Variants in PLAC1 observed in about 807,000 individuals in gnomAD.
PLAC1 encodes placenta-specific protein 1.
For synonymous variants in PLAC1, 68 were observed against 62.1 expected (o/e 1.09, Z -0.44); for missense variants, 136 against 163.2 (o/e 0.83, Z 0.91).
chrX:134,615,340 A>G (rs1351010121), intron 1 of PLAC1, among the ~76,000 whole-genome samples: 1 of 111,967 alleles, frequency 8.9e-6, no homozygotes, highest in Non-Finnish European at 1.9e-5. Flanking sequence ...GATATTGTGC[A>G]CCTTTTCATA....
intron 2 of PLAC1, among the ~76,000 whole-genome samples, chrX:134,677,843 TTGGGAGGCTATCATAG>T (rs777536802): frequency 9.0e-6 from 1 of 111,519 alleles, no homozygotes; most frequent in African/African-American, 3.3e-5. Context: ...GGGAGACCAG[TTGGGAGGCTATCATAG>T]TGGACCAGGC....
intron 2 of PLAC1, among the ~76,000 whole-genome samples, chrX:134,673,288 G>T (rs1178124703): frequency 1.0e-5 from 1 of 97,114 alleles, no homozygotes; most frequent in Admixed American, 1.1e-4. Flanking sequence ...AGGAAGGGAA[G>T]AAGGAAGGAA....
intron 2 of PLAC1, among the ~76,000 whole-genome samples, chrX:134,687,502 C>T (rs749115420): frequency 9.1e-6 from 1 of 109,828 alleles, no homozygotes; most frequent in African/African-American, 3.3e-5. Context: ...AGATTGGACA[C>T]CCCTGCTTTA....
chrX:134,595,656 GTCTA>G (rs1466734018), intron 2 of PLAC1, among the ~76,000 whole-genome samples: 1 of 107,367 alleles, frequency 9.3e-6, no homozygotes, highest in East Asian at 2.9e-4. Flanking sequence ...TTTCTCTGAA[GTCTA>G]TCTGATATTA....
intron 1 of PLAC1, among the ~76,000 whole-genome samples, chrX:134,619,039 T>C (rs936146163): frequency 4.5e-5 from 5 of 112,340 alleles, no homozygotes; most frequent in Non-Finnish European, 7.5e-5. Flanking sequence ...TGGGTACCTA[T>C]CCTTCAGAGG....
At chrX:134,589,340 A>G (rs1186211512) in intron 2 of PLAC1, among the ~76,000 whole-genome samples, 1 of 111,338 alleles carries the variant, frequency 9.0e-6, no homozygotes, top group Non-Finnish European at 1.9e-5. Flanking sequence ...TTCAAGGGAT[A>G]TTTTGTGGGT....
At chrX:134,652,070 AAGTTTAT>A (rs1176028469) in intron 1 of PLAC1, among the ~76,000 whole-genome samples, 7 of 111,085 alleles carry the variant, frequency 6.3e-5, no homozygotes, top group Admixed American at 3.8e-4. Context: ...GGCCTATCTA[AAGTTTAT>A]AGTATTGCAG....
intron 1 of PLAC1, among the ~76,000 whole-genome samples, chrX:134,621,444 C>CAAAAAA (rs11317429): frequency 1.8e-3 from 62 of 33,860 alleles, no homozygotes; most frequent in Admixed American, 3.6e-3. Context: ...GGCTCTGTCT[C>CAAAAAA]AAAAAAAAAA....
At chrX:134,566,907 T>C (rs747886049) in intron 2 of PLAC1, among the ~76,000 whole-genome samples, 167 bp from the exon 3 acceptor site, 1 of 112,776 alleles carries the variant, frequency 8.9e-6, no homozygotes, top group South Asian at 3.7e-4. Flanking sequence ...CACGTGTTTA[T>C]GGACGATTAC....
intron 1 of PLAC1, among the ~76,000 whole-genome samples, chrX:134,745,634 T>C (rs189971900): frequency 8.9e-6 from 1 of 111,895 alleles, no homozygotes; most frequent in African/African-American, 3.2e-5. Flanking sequence ...TCTTTGGAAC[T>C]ATAGTCATAT....
chrX:134,715,620 A>G (rs1034576522), intron 2 of PLAC1, among the ~76,000 whole-genome samples: 3 of 112,028 alleles, frequency 2.7e-5, no homozygotes, highest in South Asian at 7.4e-4. Context: ...TTGGATCTGT[A>G]GCTCTTTCAT....
intron 2 of PLAC1, among the ~76,000 whole-genome samples, chrX:134,577,320 A>G (rs1046266497): frequency 8.9e-6 from 1 of 112,053 alleles, no homozygotes; most frequent in African/African-American, 3.2e-5. Flanking sequence ...CCCTGTAGGC[A>G]TTCAGTTAGA....
At chrX:134,758,639 C>A (rs1602954709) in intron 1 of PLAC1, among the ~76,000 whole-genome samples, 1 of 111,756 alleles carries the variant, frequency 8.9e-6, no homozygotes, top group African/African-American at 3.3e-5. Flanking sequence ...ATACAAAAAT[C>A]GACTCAAAAT....
intron 1 of PLAC1, among the ~76,000 whole-genome samples, chrX:134,628,548 T>C (rs2078246522): frequency 8.9e-6 from 1 of 111,970 alleles, no homozygotes; most frequent in Admixed American, 9.5e-5. Context: ...GCCTGTTTGG[T>C]GTTTCTCTTT....
At chrX:134,762,821 C>CAAAAAAAAAA (rs60721487) in intron 1 of PLAC1, among the ~76,000 whole-genome samples, 188 of 14,604 alleles carry the variant, frequency 0.013, no homozygotes, top group Non-Finnish European at 0.019. Context: ...GGCTCTATCT[C>CAAAAAAAAAA]AAAAAAAAAA....
At chrX:134,574,194 C>G (rs912643827) in intron 2 of PLAC1, among the ~76,000 whole-genome samples, 2 of 111,269 alleles carry the variant, frequency 1.8e-5, no homozygotes, top group Non-Finnish European at 3.8e-5. Context: ...TTGCCCTGAT[C>G]CCTACTATTT....
chrX:134,622,054 G>A (rs2078213428), intron 1 of PLAC1, among the ~76,000 whole-genome samples: 1 of 111,849 alleles, frequency 8.9e-6, no homozygotes, highest in East Asian at 2.8e-4. Flanking sequence ...TCACCCCTGG[G>A]CTCTGAGCAG....
chrX:134,712,134 A>G (rs2078629767), intron 2 of PLAC1, among the ~76,000 whole-genome samples: 1 of 111,116 alleles, frequency 9.0e-6, no homozygotes, highest in Admixed American at 9.6e-5. Flanking sequence ...GTACCCTTCA[A>G]ATCAGAACAC....
At chrX:134,682,805 C>T (rs537289031) in intron 2 of PLAC1, among the ~76,000 whole-genome samples, 1 of 111,293 alleles carries the variant, frequency 9.0e-6, no homozygotes, top group Non-Finnish European at 1.9e-5. Context: ...ATCTGCCCCC[C>T]TCGGCCTCCC....
Sources: allele counts gnomAD v4.1 joint callset (sites outside exome capture counted in the v4.1 genomes callset), GRCh38; gene constraint gnomAD v4.1.1; transcripts MANE v1.5; gene names NCBI Gene and HGNC (gene_info 2026-07-23, HGNC 2026-07-21).